Variants in RNF11 observed in about 807,000 individuals in gnomAD.
RNF11 encodes ring finger protein 11.
In RNF11, 4 loss-of-function variants were observed where a neutral mutation model predicts 15.8. That is an observed-to-expected ratio of 0.25 (90% CI 0.12 to 0.58). The LOEUF (loss-of-function observed/expected upper bound fraction) is 0.58. Ranked by LOEUF, RNF11 falls within the 20% of genes least tolerant of loss-of-function variation. The pLI, the probability that RNF11 is intolerant of heterozygous loss-of-function variation, is 0.91. For missense variants in RNF11, 139 were observed against 194.4 expected, an observed-to-expected ratio of 0.71 and a Z score of 1.70; for synonymous variants, 68 against 72.3, an observed-to-expected ratio of 0.94 and a Z score of 0.30.
chr1:51,253,968 TAA>T (rs1254257922), intron 1 of RNF11, among the ~76,000 whole-genome samples: 5 of 138,616 alleles, frequency 3.6e-5, no homozygotes, highest in Admixed American at 7.2e-5. Context: ...GTCCCATCTC[TAA>T]AAAAAAAAAA....
chr1:51,248,311 G>C (rs1019816212), intron 1 of RNF11, among the ~76,000 whole-genome samples: 1 of 151,378 alleles, frequency 6.6e-6, no homozygotes, highest in African/African-American at 2.4e-5. Context: ...GGGTTGAAGC[G>C]ATTCTCCTGC....
At chr1:51,240,459 A>G (rs1009985289) in intron 1 of RNF11, among the ~76,000 whole-genome samples, 2 of 151,968 alleles carry the variant, frequency 1.3e-5, no homozygotes, top group Non-Finnish European at 2.9e-5. Context: ...TTTCCCCCCC[A>G]ATACCATTTA....
chr1:51,268,557 C>T (rs1001167462), intron 1 of RNF11, among the ~76,000 whole-genome samples: 2 of 152,122 alleles, frequency 1.3e-5, no homozygotes, highest in Non-Finnish European at 2.9e-5. Context: ...GAAATCTAGC[C>T]TCTGAAAAAC....
At chr1:51,247,897 T>C (rs887852785) in intron 1 of RNF11, among the ~76,000 whole-genome samples, 1 of 152,192 alleles carries the variant, frequency 6.6e-6, no homozygotes, top group Non-Finnish European at 1.5e-5. Flanking sequence ...CTAAAACTCT[T>C]AAAATTTTCT....
intron 1 of RNF11, among the ~76,000 whole-genome samples, chr1:51,242,162 G>A (rs1400714897): frequency 1.3e-5 from 2 of 152,120 alleles, no homozygotes; most frequent in African/African-American, 4.8e-5. Flanking sequence ...TGCTTTTAGA[G>A]TCAGATTGTC....
intron 1 of RNF11, among the ~76,000 whole-genome samples, chr1:51,266,465 T>C (rs1646955201): frequency 6.6e-6 from 1 of 152,108 alleles, no homozygotes; most frequent in Admixed American, 6.5e-5. Flanking sequence ...ATCCAAATCA[T>C]TAGCAGTTTT....
chr1:51,268,101 A>G (rs1254233516), intron 1 of RNF11, among the ~76,000 whole-genome samples: 3 of 152,232 alleles, frequency 2.0e-5, no homozygotes, highest in Non-Finnish European at 4.4e-5. Flanking sequence ...CTGTTAGCCA[A>G]CAATTGAATC....
rs184919637 is a variant in RNF11 at position 51,270,248 on chromosome 1, C to G, written c.293+123C>G. Reference sequence around the variant, plus strand: ...ATATATTGAAACACTTCGCTTAATGCAAGAGAATGTTTAATTTTTTTTCAT... The same window carrying G: ...ATATATTGAAACACTTCGCTTAATGGAAGAGAATGTTTAATTTTTTTTCAT... On this transcript the variant is annotated intron_variant, in intron 2 of 2. Coordinates refer to ENST00000242719, the MANE Select transcript of RNF11 (RefSeq NM_014372.5). 2,344 of 675,308 alleles carry G rather than the reference C, an allele frequency of 3.5e-3. 4 individuals carry two copies. The highest frequency in any genetic ancestry group is 4.0e-3 in the Non-Finnish European group (1,601 of 401,120). The allele number at this position is 675,308 out of a possible 1,614,324, so 41.8% of individuals were successfully genotyped here.
At chr1:51,262,783 G>T (rs1345459942) in intron 1 of RNF11, among the ~76,000 whole-genome samples, 1 of 147,366 alleles carries the variant, frequency 6.8e-6, no homozygotes, top group Non-Finnish European at 1.5e-5. Context: ...GGCCAGGCTG[G>T]TCTTGAACTC....
chr1:51,262,257 G>C (rs1278757609), intron 1 of RNF11, among the ~76,000 whole-genome samples: 1 of 152,154 alleles, frequency 6.6e-6, no homozygotes, highest in Non-Finnish European at 1.5e-5. Context: ...ATGATGCTGG[G>C]ACACCTACAT....
Position 51,269,304 on chromosome 1 carries a change from A to G in RNF11, c.124-652A>G, listed in dbSNP as rs377574412. On this transcript the variant is annotated intron_variant, in intron 1 of 2. Coordinates refer to ENST00000242719, the MANE Select transcript of RNF11 (RefSeq NM_014372.5). ...ATTATAGGCCAGGCACCATGGCTCAACCCTGTGGCCCCACTACTCAGGAGG... is the reference window on the plus strand; with the variant it reads ...ATTATAGGCCAGGCACCATGGCTCAGCCCTGTGGCCCCACTACTCAGGAGG... Among the ~76,000 whole-genome samples the G allele has an allele frequency of 1.6e-4, 25 of 152,218 alleles. No homozygotes were observed. In the East Asian group the frequency reaches 3.9e-3, roughly 24 times the overall value.
chr1:51,252,981 G>A (rs540442255), intron 1 of RNF11, among the ~76,000 whole-genome samples: 1 of 151,642 alleles, frequency 6.6e-6, no homozygotes, highest in African/African-American at 2.4e-5. Context: ...CGCCCACCAC[G>A]CGCGGCTAAT....
intron 1 of RNF11, among the ~76,000 whole-genome samples, chr1:51,266,403 CTTTTT>C (rs1351958067): frequency 6.8e-6 from 1 of 146,562 alleles, no homozygotes; most frequent in Non-Finnish European, 1.5e-5. Context: ...AGCAGTTTTT[CTTTTT>C]TTTTTCTTTT....
At chr1:51,252,988 T>C (rs914617586) in intron 1 of RNF11, among the ~76,000 whole-genome samples, 8 of 151,848 alleles carry the variant, frequency 5.3e-5, no homozygotes, top group African/African-American at 1.9e-4. Flanking sequence ...CACGCGCGGC[T>C]AATTTTTTTG....
At chr1:51,257,700 C>T (rs867356002) in intron 1 of RNF11, among the ~76,000 whole-genome samples, 5 of 151,874 alleles carry the variant, frequency 3.3e-5, no homozygotes, top group Non-Finnish European at 7.4e-5. Flanking sequence ...TCAAGTGATC[C>T]GCCTGCCTCA....
At chr1:51,251,345 GC>G in intron 1 of RNF11, 1 of 1,513,522 alleles carries the variant, frequency 6.6e-7, no homozygotes, top group South Asian at 1.2e-5. Flanking sequence ...CGCGGCCTCG[GC>G]CCCGGCCCCG....
At chr1:51,251,443 C>G (rs539522120) in intron 1 of RNF11, 3 of 815,784 alleles carry the variant, frequency 3.7e-6, no homozygotes, top group African/African-American at 3.5e-5. Context: ...CCTCCGGGCC[C>G]CCCCCCGCTG....
intron 1 of RNF11, among the ~76,000 whole-genome samples, chr1:51,251,762 C>T (rs1402273589): frequency 6.6e-6 from 1 of 151,898 alleles, no homozygotes; most frequent in African/African-American, 2.4e-5. Flanking sequence ...GAGAGCAAGA[C>T]CTCATCTTTA....
intron 1 of RNF11, among the ~76,000 whole-genome samples, chr1:51,259,247 C>T (rs1440435070): frequency 6.6e-6 from 1 of 152,184 alleles, no homozygotes; most frequent in Admixed American, 6.5e-5. Context: ...GCCCCTACAA[C>T]AAAGAATTGT....
Sources: gnomAD v4.1 joint callset for allele counts (sites outside exome capture counted in the v4.1 genomes callset) on GRCh38, gnomAD v4.1.1 for gene constraint, MANE v1.5 for transcripts, NCBI Gene and HGNC (gene_info 2026-07-23, HGNC 2026-07-21) for gene names.